Variants in CAMKMT observed in about 807,000 individuals in gnomAD.
The protein encoded by CAMKMT is calmodulin-lysine N-methyltransferase, also known as CaM KMT.
In CAMKMT, 53 loss-of-function variants were observed where a neutral mutation model predicts 48.0. The ratio of observed to expected loss-of-function variants is 1.10; its 90% CI spans 0.89 to 1.39. The LOEUF is 1.39. CAMKMT is among the 40% of genes most tolerant of loss of function. CAMKMT has a pLI of 0.00. For missense variants in CAMKMT, 428 were observed against 402.7 expected (o/e 1.06, Z -0.54); for synonymous variants, 165 against 152.3 (o/e 1.08, Z -0.61).
At chr2:44,771,983 A>G in intron 10 of CAMKMT, 53 bp from the exon 11 acceptor site, 1 of 1,209,064 alleles carries the variant, frequency 8.3e-7, no homozygotes, top group Admixed American at 1.8e-5. Context: ...ATTGACTGGT[A>G]AAGATCCCTA....
chr2:44,586,331 AT>A (rs1412229359), intron 3 of CAMKMT, among the ~76,000 whole-genome samples: 2 of 151,934 alleles, frequency 1.3e-5, no homozygotes, highest in Non-Finnish European at 2.9e-5. Context: ...GTATATATAT[AT>A]ATATGTTAAA....
At chr2:44,562,579 G>C (rs976762454) in intron 3 of CAMKMT, among the ~76,000 whole-genome samples, 1 of 151,702 alleles carries the variant, frequency 6.6e-6, no homozygotes, top group African/African-American at 2.4e-5. Flanking sequence ...TCTTTTTTTT[G>C]AGACAGAATC....
chr2:44,670,848 A>C (rs1235588421), intron 3 of CAMKMT, among the ~76,000 whole-genome samples: 1 of 152,076 alleles, frequency 6.6e-6, no homozygotes, highest in Non-Finnish European at 1.5e-5. Context: ...CTGTCTTCTG[A>C]ACATCTTTCG....
At chr2:44,474,456 A>G (rs1449089939) in intron 3 of CAMKMT, among the ~76,000 whole-genome samples, 2 of 151,998 alleles carry the variant, frequency 1.3e-5, no homozygotes, top group Non-Finnish European at 2.9e-5. Context: ...CAAAAAAAAA[A>G]AAAAAAAGAA....
intron 3 of CAMKMT, among the ~76,000 whole-genome samples, chr2:44,404,529 T>G (rs1265092704): frequency 6.6e-6 from 1 of 152,158 alleles, no homozygotes; most frequent in Non-Finnish European, 1.5e-5. Flanking sequence ...AAGCAACTAG[T>G]TCAAAAATAC....
At chr2:44,480,822 T>A (rs981874544) in intron 3 of CAMKMT, among the ~76,000 whole-genome samples, 5 of 152,096 alleles carry the variant, frequency 3.3e-5, no homozygotes, top group Admixed American at 3.3e-4. Context: ...AATCTAAAGC[T>A]GTGAAATGAA....
At chr2:44,701,403 A>C (rs571193310) in intron 3 of CAMKMT, among the ~76,000 whole-genome samples, 1 of 152,294 alleles carries the variant, frequency 6.6e-6, no homozygotes, top group East Asian at 1.9e-4. Context: ...GATTAGCAAA[A>C]ATTAGTTATG....
At chr2:44,718,544 A>G (rs952077517) in intron 7 of CAMKMT, among the ~76,000 whole-genome samples, 2 of 152,244 alleles carry the variant, frequency 1.3e-5, no homozygotes, top group African/African-American at 4.8e-5. Context: ...GATTGATGAA[A>G]GAGCAAGGAT....
chr2:44,488,877 G>GTGTGTGTGTT (rs373830779), intron 3 of CAMKMT, among the ~76,000 whole-genome samples: 18 of 149,980 alleles, frequency 1.2e-4, no homozygotes, highest in Non-Finnish European at 2.2e-4. Context: ...GTGTGTGTGT[G>GTGTGTGTGTT]TTTTAAGAAA....
At chr2:44,678,813 A>G (rs1445924950) in intron 3 of CAMKMT, among the ~76,000 whole-genome samples, 1 of 152,050 alleles carries the variant, frequency 6.6e-6, no homozygotes, top group African/African-American at 2.4e-5. Flanking sequence ...TGAAAGTGGG[A>G]GCCCCTGGTA....
At chr2:44,594,301 GA>G (rs1460547925) in intron 3 of CAMKMT, among the ~76,000 whole-genome samples, 1 of 152,034 alleles carries the variant, frequency 6.6e-6, no homozygotes, top group African/African-American at 2.4e-5. Flanking sequence ...CACAGAATTG[GA>G]AAAAACTACT....
At chr2:44,647,887 G>T (rs1489069031) in intron 3 of CAMKMT, among the ~76,000 whole-genome samples, 3 of 121,946 alleles carry the variant, frequency 2.5e-5, no homozygotes, top group Non-Finnish European at 4.8e-5. Flanking sequence ...CAGCCTGGGC[G>T]ACAGAGTGAG....
At chr2:44,565,956 C>A (rs1184181169) in intron 3 of CAMKMT, among the ~76,000 whole-genome samples, 1 of 152,184 alleles carries the variant, frequency 6.6e-6, no homozygotes, top group African/African-American at 2.4e-5. Context: ...GTTTGTGTAA[C>A]CGCACATGCA....
chr2:44,561,185 T>C (rs1487646399), intron 3 of CAMKMT, among the ~76,000 whole-genome samples: 1 of 152,208 alleles, frequency 6.6e-6, no homozygotes, highest in Non-Finnish European at 1.5e-5. Flanking sequence ...TGATACTGTG[T>C]TTTGTAAGTT....
At chr2:44,470,968 T>C (rs547472420) in intron 3 of CAMKMT, among the ~76,000 whole-genome samples, 2 of 151,856 alleles carry the variant, frequency 1.3e-5, no homozygotes, top group South Asian at 4.2e-4. Context: ...TTTTCACTAT[T>C]GTTAATGTTT....
chr2:44,429,364 A>G (rs1319517099), intron 3 of CAMKMT, among the ~76,000 whole-genome samples: 2 of 152,038 alleles, frequency 1.3e-5, no homozygotes, highest in East Asian at 3.8e-4. Context: ...TCTGGATAAT[A>G]CATATTATAT....
intron 3 of CAMKMT, among the ~76,000 whole-genome samples, chr2:44,417,047 C>T (rs1043828904): frequency 9.9e-5 from 15 of 152,076 alleles, no homozygotes; most frequent in Non-Finnish European, 1.5e-4. Flanking sequence ...GATCCTCCTA[C>T]CTTAGCCTCC....
chr2:44,659,023 T>C (rs924326470), intron 3 of CAMKMT, among the ~76,000 whole-genome samples: 2 of 151,698 alleles, frequency 1.3e-5, no homozygotes, highest in African/African-American at 4.8e-5. Context: ...TAGCTGTTGG[T>C]CCTAGTGATC....
chr2:44,661,703 A>G (rs182671951), intron 3 of CAMKMT, among the ~76,000 whole-genome samples: 11 of 152,328 alleles, frequency 7.2e-5, no homozygotes, highest in African/African-American at 2.2e-4. Flanking sequence ...ATCTTAAACT[A>G]TCAAGCACTT....
Sources: allele counts gnomAD v4.1 joint callset (sites outside exome capture counted in the v4.1 genomes callset), GRCh38; gene constraint gnomAD v4.1.1; transcripts MANE v1.5; gene names NCBI Gene and HGNC (gene_info 2026-07-23, HGNC 2026-07-21).